The following KLF13 variants were observed in gnomAD, a reference collection of about 807,000 sequenced individuals.
The protein encoded by KLF13 is KLF transcription factor 13.
KLF13 carries 8 observed loss-of-function variants against 16.7 expected under a neutral mutation model. The ratio of observed to expected loss-of-function variants is 0.48; its 90% CI spans 0.28 to 0.87. The LOEUF is 0.87. Among genes scored for constraint, KLF13 ranks in the 40% least tolerant of loss-of-function variants. KLF13 has a pLI of 0.10. For missense variants in KLF13, 447 were observed against 452.2 expected (o/e 0.99, Z 0.10); for synonymous variants, 245 against 208.4 (o/e 1.18, Z -1.51).
downstream of KLF13, among the ~76,000 whole-genome samples, chr15:31,405,714 G>T (rs1380334526): frequency 1.3e-5 from 2 of 152,212 alleles, no homozygotes; most frequent in Non-Finnish European, 2.9e-5. Context: ...AGTCAAGCCA[G>T]CCTTCCCAGG....
At chr15:31,411,086 C>T (rs1362298635) in intron 1 of KLF13, among the ~76,000 whole-genome samples, 1 of 152,148 alleles carries the variant, frequency 6.6e-6, no homozygotes, top group Non-Finnish European at 1.5e-5. Context: ...GTTCTAAAAA[C>T]ATTTAAGGCA....
intron 1 of KLF13, among the ~76,000 whole-genome samples, chr15:31,347,308 G>C (rs1363657353): frequency 1.3e-5 from 2 of 152,204 alleles, no homozygotes; most frequent in Non-Finnish European, 2.9e-5. Context: ...GGCCGTCCTT[G>C]GTGCTCGTGG....
chr15:31,425,811 A>C (rs2040393827), intron 1 of KLF13, among the ~76,000 whole-genome samples: 1 of 152,140 alleles, frequency 6.6e-6, no homozygotes, highest in African/African-American at 2.4e-5. Flanking sequence ...CAGGAGGCGG[A>C]GGTTGCAGTG....
At chr15:31,371,486 C>A (rs2039553655) in intron 1 of KLF13, among the ~76,000 whole-genome samples, 1 of 152,260 alleles carries the variant, frequency 6.6e-6, no homozygotes, top group Admixed American at 6.5e-5. Context: ...CCGGAACTCA[C>A]CTACGCTGAC....
At position 31,343,998 on chromosome 15, in the gene KLF13, C is replaced by T. The variant is rs151221144; in HGVS notation, c.577+16209C>T. The stretch of plus-strand genomic sequence containing the variant: ...CAGGAGAGCCACGCATTGCAAGTGG[C>T]CCATGCCTGGTTGCTGCCCTAAATA... On this transcript the variant is annotated intron_variant, in intron 1 of 1. Coordinates refer to ENST00000307145, the MANE Select transcript of KLF13 (RefSeq NM_015995.4). Among the ~76,000 whole-genome samples, 288 of 152,326 alleles carry T rather than the reference C, an allele frequency of 1.9e-3. 3 individuals are homozygous for T. Among genetic ancestry groups the T allele is most frequent in the African/African-American group, 5.8e-3 (242 of 41,564 alleles).
chr15:31,335,421 TTG>T (rs1166932948), intron 1 of KLF13, among the ~76,000 whole-genome samples: 4 of 108,130 alleles, frequency 3.7e-5, no homozygotes, highest in African/African-American at 9.6e-5. Flanking sequence ...CTGTTGGGCA[TTG>T]TGTGTGTGTG....
intron 1 of KLF13, among the ~76,000 whole-genome samples, chr15:31,334,554 A>G (rs1442533909): frequency 6.6e-6 from 1 of 151,880 alleles, no homozygotes; most frequent in Non-Finnish European, 1.5e-5. Context: ...CAGCCTCCCA[A>G]GTAGCTGGGA....
chr15:31,408,058 T>C (rs1485116958), downstream of KLF13, among the ~76,000 whole-genome samples: 2 of 152,124 alleles, frequency 1.3e-5, no homozygotes, highest in African/African-American at 4.8e-5. Flanking sequence ...ACTGGAGGCA[T>C]AAAACCTGAA....
At chr15:31,368,241 C>A (rs2039506519) in intron 1 of KLF13, among the ~76,000 whole-genome samples, 2 of 152,194 alleles carry the variant, frequency 1.3e-5, no homozygotes, top group African/African-American at 4.8e-5. Flanking sequence ...TTTTTCGAGG[C>A]CATAGCGTCA....
At chr15:31,367,203 G>C (rs372704015) in intron 1 of KLF13, among the ~76,000 whole-genome samples, 11 of 152,274 alleles carry the variant, frequency 7.2e-5, no homozygotes, top group Admixed American at 1.3e-4. Context: ...CACTACCAGG[G>C]GACCCAGCCA....
chr15:31,393,801 C>T (rs920773475), intron 2 of KLF13: 3 of 152,312 alleles, frequency 2.0e-5, no homozygotes, highest in East Asian at 1.9e-4. Context: ...ACTACCACAG[C>T]CCTGTTCACA....
intron 1 of KLF13, among the ~76,000 whole-genome samples, chr15:31,418,348 A>AAAGAAAGT (rs1372137248): frequency 6.6e-6 from 1 of 152,222 alleles, no homozygotes; most frequent in Non-Finnish European, 1.5e-5. Flanking sequence ...TATTAAATCT[A>AAAGAAAGT]AAGAAAGTAG....
intron 1 of KLF13, among the ~76,000 whole-genome samples, chr15:31,353,877 C>T (rs1188167891): frequency 1.3e-5 from 2 of 152,200 alleles, no homozygotes; most frequent in Non-Finnish European, 2.9e-5. Context: ...GAGGACTTCA[C>T]TGTTCCTTCT....
chr15:31,390,517 ATTTTAT>A (rs2039848669), upstream of KLF13, among the ~76,000 whole-genome samples: 1 of 152,202 alleles, frequency 6.6e-6, no homozygotes, highest in Non-Finnish European at 1.5e-5. Context: ...TGCCGTGAAC[ATTTTAT>A]TTTTACCATC....
chr15:31,343,339 G>T (rs902672464), intron 1 of KLF13, among the ~76,000 whole-genome samples: 3 of 152,236 alleles, frequency 2.0e-5, no homozygotes, highest in African/African-American at 7.2e-5. Context: ...GCCCCCAGCC[G>T]TAAGGCGGGA....
At chr15:31,395,065 C>T (rs2140986685) in intron 2 of KLF13, among the ~76,000 whole-genome samples, 1 of 152,258 alleles carries the variant, frequency 6.6e-6, no homozygotes, top group East Asian at 1.9e-4. Flanking sequence ...CTGCAACCTC[C>T]ACCTCCTGGA....
intron 1 of KLF13, among the ~76,000 whole-genome samples, chr15:31,386,742 G>A (rs372669221): frequency 6.6e-6 from 1 of 152,218 alleles, no homozygotes; most frequent in African/African-American, 2.4e-5. Flanking sequence ...TAAAGGACAG[G>A]CTGGCTCTCT....
intron 1 of KLF13, among the ~76,000 whole-genome samples, chr15:31,346,132 C>T (rs2039112299): frequency 6.6e-6 from 1 of 152,072 alleles, no homozygotes; most frequent in South Asian, 2.1e-4. Context: ...TGACGGGAAC[C>T]CAGAGCTGTT....
intron 1 of KLF13, among the ~76,000 whole-genome samples, chr15:31,428,799 T>C (rs866202323): frequency 0.074 from 155 of 2,092 alleles, 2 homozygotes; most frequent in African/African-American, 0.3. Flanking sequence ...TGAGACTCTA[T>C]CTCAAAAAAA....
Sources: allele counts gnomAD v4.1 joint callset (sites outside exome capture counted in the v4.1 genomes callset), GRCh38; gene constraint gnomAD v4.1.1; transcripts MANE v1.5; gene names NCBI Gene and HGNC (gene_info 2026-07-23, HGNC 2026-07-21).